Variants in RAPGEF2 observed in about 807,000 individuals in gnomAD.
The protein encoded by RAPGEF2 is Rap guanine nucleotide exchange factor 2.
A neutral mutation model predicts 186.7 loss-of-function variants in RAPGEF2; 54 were observed. That is an observed-to-expected ratio of 0.29 (90% CI 0.23 to 0.36). The LOEUF (loss-of-function observed/expected upper bound fraction) is 0.36. Ranked by LOEUF, RAPGEF2 falls within the 10% of genes least tolerant of loss-of-function variation. RAPGEF2 has a pLI of 1.00. For synonymous variants in RAPGEF2, 712 were observed against 705.9 expected (o/e 1.01, Z -0.14); for missense variants, 1,532 against 2,045.0 (o/e 0.75, Z 4.84).
At chr4:159,337,889 C>CAAAAAAAAAAAAAAAAAAA (rs553291521) in intron 17 of RAPGEF2, among the ~76,000 whole-genome samples, 15 of 32,572 alleles carry the variant, frequency 4.6e-4, no homozygotes, top group East Asian at 8.8e-4. Flanking sequence ...GACTCCATCT[C>CAAAAAAAAAAAAAAAAAAA]AAAAAAAAAA....
intron 7 of RAPGEF2, chr4:159,267,104 G>A: frequency 8.4e-7 from 1 of 1,189,286 alleles, no homozygotes; most frequent in Middle Eastern, 2.6e-4. Flanking sequence ...GGGTGAGAGA[G>A]AAATCCACTT....
At chr4:159,309,616 C>T (rs1344116689) in intron 8 of RAPGEF2, among the ~76,000 whole-genome samples, 1 of 152,076 alleles carries the variant, frequency 6.6e-6, no homozygotes, top group Admixed American at 6.6e-5. Context: ...CAGATGGGGG[C>T]AGGTTGAAAG....
intron 1 of RAPGEF2, among the ~76,000 whole-genome samples, chr4:159,104,958 G>T (rs543754100): frequency 1.3e-5 from 2 of 152,118 alleles, no homozygotes; most frequent in East Asian, 3.8e-4. Flanking sequence ...GTACACCCTC[G>T]GGAAGGGCAC....
At chr4:159,329,636 A>C (rs1766395128) in intron 11 of RAPGEF2, 1 of 299,000 alleles carries the variant, frequency 3.3e-6, no homozygotes. Flanking sequence ...TTTGAATGTA[A>C]AATACATATA....
At chr4:159,294,634 T>TTCCTTC (rs1554029084) in intron 7 of RAPGEF2, among the ~76,000 whole-genome samples, 4,739 of 133,090 alleles carry the variant, frequency 0.036, 197 homozygotes, top group Middle Eastern at 0.068. Flanking sequence ...AGCTTCCATT[T>TTCCTTC]CTTCCTTCCT....
Position 159,314,576 on chromosome 4 carries a change from T to C in RAPGEF2, c.676-15T>C. 1 of 1,585,056 alleles carries C rather than the reference T, an allele frequency of 6.3e-7. No homozygotes were observed. The highest frequency in any genetic ancestry group is 1.2e-5 in the South Asian group (1 of 86,210). On this transcript the variant is annotated splice_polypyrimidine_tract_variant and intron_variant, in intron 8 of 29. Transcript: ENST00000691494. ...TACTTAAAATAGTTTTTAATTTTTG[T>C]GTGTGTGTCTTAAGGCCACAGAAAG...
Position 159,332,601 on chromosome 4 carries a change from A to T in RAPGEF2, c.2039A>T (p.Asn680Ile), listed in dbSNP as rs1766839415. 6.2e-7 allele frequency: 1 copy of T among 1,614,060 alleles called. No individual in the cohort carries two copies. Among genetic ancestry groups the T allele is most frequent in the Non-Finnish European group, 8.5e-7 (1 of 1,180,016 alleles). Residue 680 changes from asparagine (N) to isoleucine (I), a missense_variant, in exon 17 of 30, where the codon AAC (asparagine) becomes ATC (isoleucine). Transcript: ENST00000691494. Reference sequence around the variant, plus strand: ...CAGGTGATAGGACTTGAAAAAGTGAACAAAAAAAGTAAAGCCAACACTGTG... The same window carrying T: ...CAGGTGATAGGACTTGAAAAAGTGATCAAAAAAAGTAAAGCCAACACTGTG... ...VEQVIGLEKVNKKSKANTVGG... is the reference protein window; with the variant it reads ...VEQVIGLEKVIKKSKANTVGG...
At chr4:159,122,348 G>A (rs571199163) in intron 1 of RAPGEF2, among the ~76,000 whole-genome samples, 89 of 151,932 alleles carry the variant, frequency 5.9e-4, no homozygotes, top group Admixed American at 1.3e-3. Context: ...GCATGGTGGC[G>A]CACGCCTATA....
chr4:159,225,393 C>G (rs1472273238), intron 4 of RAPGEF2, among the ~76,000 whole-genome samples: 1 of 152,168 alleles, frequency 6.6e-6, no homozygotes, highest in African/African-American at 2.4e-5. Flanking sequence ...TTTCACAAAA[C>G]ATTAATTTGA....
chr4:159,117,916 G>A (rs1007169098), intron 1 of RAPGEF2, among the ~76,000 whole-genome samples: 2 of 150,766 alleles, frequency 1.3e-5, no homozygotes, highest in Admixed American at 1.3e-4. Flanking sequence ...AAATAGGAAG[G>A]TCATAGTTTC....
intron 1 of RAPGEF2, among the ~76,000 whole-genome samples, chr4:159,151,785 T>C (rs1011275867): frequency 2.0e-5 from 3 of 152,094 alleles, no homozygotes; most frequent in African/African-American, 7.2e-5. Flanking sequence ...TTGGGGGGTG[T>C]CTGTTTAAAG....
At position 159,293,523 on chromosome 4, in the gene RAPGEF2, C is replaced by T. The variant is rs562217499; in HGVS notation, c.544-10819C>T. Among the ~76,000 whole-genome samples the T allele has an allele frequency of 3.3e-5, 5 of 152,218 alleles. No individual in the cohort carries two copies. The South Asian group carries it at 1.0e-3, about 32-fold the overall frequency. ...TATTTTATCCAAACTGCACACAGTC[C>T]CATGAAATAGGATGTTATCAGTGTC... On this transcript the variant is annotated intron_variant, in intron 7 of 29. Transcript: ENST00000691494.
chr4:159,198,330 CTTTCTTTTTCTT>C (rs1749014807), intron 3 of RAPGEF2, among the ~76,000 whole-genome samples: 1 of 70,264 alleles, frequency 1.4e-5, no homozygotes. Flanking sequence ...TTCTTTCTTT[CTTTCTTTTTCTT>C]TCTCTCTCTT....
intron 7 of RAPGEF2, among the ~76,000 whole-genome samples, chr4:159,255,356 G>A (rs1156764268): frequency 6.9e-6 from 1 of 145,438 alleles, no homozygotes; most frequent in African/African-American, 2.5e-5. Context: ...TGAATATATA[G>A]TTTTTTTTTT....
chr4:159,355,946 C>T lies in RAPGEF2; in HGVS notation c.4745C>T (p.Pro1582Leu). Residue 1582 changes from proline (P) to leucine (L), a missense_variant, in exon 29 of 30, where the codon CCA becomes CTA. Pro to Leu is a moderately conservative substitution (Grantham distance 98). This residue lies in a region of RAPGEF2 where 594 missense variants were observed against 608.5 expected (regional missense o/e 0.98). Coordinates refer to ENST00000691494, the MANE Select transcript of RAPGEF2 (RefSeq NM_001394067.2). ...GACTTTCCAGAAGGGCACTCCCATCCAGCCAGGAAACCGCCGGACTACAAC... is the reference window on the plus strand; with the variant it reads ...GACTTTCCAGAAGGGCACTCCCATCTAGCCAGGAAACCGCCGGACTACAAC... ...ITDFPEGHSH[P>L]ARKPPDYNVA... 4 of 1,582,834 alleles carry T rather than the reference C, an allele frequency of 2.5e-6. No homozygotes were observed. Among genetic ancestry groups the T allele is most frequent in the Non-Finnish European group, 2.6e-6 (3 of 1,162,410 alleles).
At chr4:159,225,657 T>C (rs573590300) in intron 4 of RAPGEF2, among the ~76,000 whole-genome samples, 3 of 152,340 alleles carry the variant, frequency 2.0e-5, no homozygotes, top group Admixed American at 2.0e-4. Context: ...GTGTTGTCAG[T>C]CTTTTTCATC....
chr4:159,143,072 G>A (rs190179725), intron 1 of RAPGEF2, among the ~76,000 whole-genome samples: 2 of 152,082 alleles, frequency 1.3e-5, no homozygotes, highest in African/African-American at 4.8e-5. Context: ...TAATTTTAAG[G>A]ATTAAGAAGA....
intron 4 of RAPGEF2, among the ~76,000 whole-genome samples, chr4:159,221,983 T>A (rs1284743603): frequency 6.6e-6 from 1 of 152,238 alleles, no homozygotes; most frequent in Non-Finnish European, 1.5e-5. Context: ...AGAAGTAAAG[T>A]GAAATATGTA....
intron 7 of RAPGEF2, among the ~76,000 whole-genome samples, chr4:159,255,512 T>C (rs1171332441): frequency 6.6e-6 from 1 of 152,166 alleles, no homozygotes; most frequent in Non-Finnish European, 1.5e-5. Flanking sequence ...CTTTCGGTAA[T>C]CAGCTACTAT....
Sources: gnomAD v4.1 joint callset for allele counts (sites outside exome capture counted in the v4.1 genomes callset) on GRCh38, gnomAD v4.1.1 for gene constraint, gnomAD v4.1.1 regional missense constraint, MANE v1.5 for transcripts, NCBI Gene and HGNC (gene_info 2026-07-23, HGNC 2026-07-21) for gene names.